The following PIK3CB variants were observed in gnomAD, a reference collection of about 807,000 sequenced individuals.
PIK3CB encodes the protein phosphatidylinositol-4,5-bisphosphate 3-kinase catalytic subunit beta.
PIK3CB carries 39 observed loss-of-function variants against 136.8 expected under a neutral mutation model. That is an observed-to-expected ratio of 0.29 (90% CI 0.22 to 0.37). The LOEUF (loss-of-function observed/expected upper bound fraction) is 0.37. Ranked by LOEUF, PIK3CB falls within the 10% of genes least tolerant of loss-of-function variation. The pLI, the probability that PIK3CB is intolerant of heterozygous loss-of-function variation, is 1.00. For missense variants in PIK3CB, 868 were observed against 1,275.4 expected (o/e 0.68, Z 4.87); for synonymous variants, 428 against 436.6 (o/e 0.98, Z 0.25).
At chr3:138,736,120 CAG>C (rs1344604056) in intron 6 of PIK3CB, among the ~76,000 whole-genome samples, 2 of 152,088 alleles carry the variant, frequency 1.3e-5, no homozygotes, top group Non-Finnish European at 2.9e-5. Context: ...ATTAAAGAAA[CAG>C]AAATCTACTT....
chr3:138,717,054 G>A (rs1384679147), intron 8 of PIK3CB, among the ~76,000 whole-genome samples: 1 of 151,522 alleles, frequency 6.6e-6, no homozygotes, highest in Non-Finnish European at 1.5e-5. Flanking sequence ...AAGAGATCAA[G>A]ACCATCCTGG....
intron 8 of PIK3CB, among the ~76,000 whole-genome samples, chr3:138,721,237 A>G: frequency 6.6e-6 from 1 of 151,954 alleles, no homozygotes. Flanking sequence ...ATCTCGGCTC[A>G]CTGCAACATC....
intron 15 of PIK3CB, among the ~76,000 whole-genome samples, chr3:138,689,952 T>C (rs982978346): frequency 6.6e-6 from 1 of 152,176 alleles, no homozygotes; most frequent in Non-Finnish European, 1.5e-5. Context: ...ATGCCCTGAT[T>C]AGCATCTATT....
chr3:138,700,750 T>C (rs184790080), intron 12 of PIK3CB, among the ~76,000 whole-genome samples: 1 of 150,094 alleles, frequency 6.7e-6, no homozygotes, highest in African/African-American at 2.5e-5. Context: ...TAGATAGAGA[T>C]AGAGTAGAAG....
chr3:138,674,446 T>C (rs2043603676), intron 19 of PIK3CB, among the ~76,000 whole-genome samples: 1 of 151,768 alleles, frequency 6.6e-6, no homozygotes, highest in African/African-American at 2.4e-5. Flanking sequence ...AGTAAAGACA[T>C]CAGTGACCAC....
chr3:138,757,625 A>G (rs1398411028), intron 3 of PIK3CB, among the ~76,000 whole-genome samples: 1 of 135,992 alleles, frequency 7.4e-6, no homozygotes, highest in East Asian at 2.4e-4. Flanking sequence ...GGAGGGAGGG[A>G]GAGAGGGGAG....
At chr3:138,730,207 C>G (rs1473873442) in intron 8 of PIK3CB, among the ~76,000 whole-genome samples, 2 of 152,176 alleles carry the variant, frequency 1.3e-5, no homozygotes, top group Non-Finnish European at 1.5e-5. Flanking sequence ...CATTAATCCT[C>G]TCCATGAACA....
intron 21 of PIK3CB, among the ~76,000 whole-genome samples, 192 bp from the exon 22 acceptor site, chr3:138,658,027 A>T (rs1035113546): frequency 6.6e-6 from 1 of 152,228 alleles, no homozygotes; most frequent in African/African-American, 2.4e-5. Flanking sequence ...TACAATCAAT[A>T]ATAAATAACC....
At chr3:138,790,756 G>A (rs897524885) in intron 2 of PIK3CB, among the ~76,000 whole-genome samples, 1 of 150,948 alleles carries the variant, frequency 6.6e-6, no homozygotes, top group Non-Finnish European at 1.5e-5. Flanking sequence ...AGAGCTTGCA[G>A]TGAGCCAAGA....
rs780487919 is a variant in PIK3CB, at chr3:138,684,661, G to A, written c.2279C>T (p.Ser760Leu). ...AYREALSDLQ[S>L]PLNPCVILSE... ...GAGGATAACACATGGGTTCAGGGGT[G>A]ACTGCAGGTCAGAGAGGGCTTCCCG... Residue 760 changes from serine (S) to leucine (L), a missense_variant, in exon 17 of 24, where the codon TCA (serine) becomes TTA (leucine). Around this residue, in one of 4 missense-constraint regions of PIK3CB, gnomAD observed 165 missense variants for 295.4 expected, o/e 0.56. Coordinates refer to ENST00000674063, the MANE Select transcript of PIK3CB (RefSeq NM_006219.3). 32 of 1,613,816 alleles carry A rather than the reference G, an allele frequency of 2.0e-5. No individual in the cohort carries two copies. Among genetic ancestry groups the A allele is most frequent in the African/African-American group, 4.0e-5 (3 of 74,902 alleles).
At chr3:138,760,937 G>A (rs897223748) in intron 2 of PIK3CB, among the ~76,000 whole-genome samples, 2 of 152,112 alleles carry the variant, frequency 1.3e-5, no homozygotes, top group Admixed American at 1.3e-4. Context: ...ACAATTTTTA[G>A]AACTTCTTTT....
chr3:138,719,168 T>C (rs1283613143), intron 8 of PIK3CB, among the ~76,000 whole-genome samples: 2 of 150,548 alleles, frequency 1.3e-5, no homozygotes, highest in Admixed American at 6.7e-5. Context: ...TTTTAGAAAA[T>C]CTTTATATCT....
intron 5 of PIK3CB, among the ~76,000 whole-genome samples, chr3:138,738,414 G>A (rs186899506): frequency 3.9e-4 from 60 of 152,072 alleles, no homozygotes; most frequent in African/African-American, 1.3e-3. Flanking sequence ...CTTGTGATCC[G>A]CCTGCCTCAG....
intron 1 of PIK3CB, among the ~76,000 whole-genome samples, chr3:138,812,064 C>T (rs1933089964): frequency 6.6e-6 from 1 of 151,964 alleles, no homozygotes; most frequent in Non-Finnish European, 1.5e-5. Flanking sequence ...ATGCTAAAGC[C>T]TGGGCAACAG....
At chr3:138,689,634 T>C (rs1459779307) in intron 15 of PIK3CB, among the ~76,000 whole-genome samples, 4 of 152,222 alleles carry the variant, frequency 2.6e-5, no homozygotes, top group Admixed American at 2.6e-4. Context: ...TTCCAATTTG[T>C]TAAACTTCAA....
chr3:138,781,761 A>T (rs1351910352), intron 2 of PIK3CB, among the ~76,000 whole-genome samples: 2 of 151,976 alleles, frequency 1.3e-5, no homozygotes, highest in East Asian at 1.9e-4. Flanking sequence ...GGCCCAAAAA[A>T]TTTTTTTAAT....
intron 2 of PIK3CB, among the ~76,000 whole-genome samples, chr3:138,779,621 G>A (rs2045901508): frequency 6.6e-6 from 1 of 150,646 alleles, no homozygotes; most frequent in Admixed American, 6.6e-5. Flanking sequence ...TCGAACTCCT[G>A]AACTCAAGTG....
At chr3:138,702,973 T>C (rs1453470830) in intron 12 of PIK3CB, among the ~76,000 whole-genome samples, 2 of 152,156 alleles carry the variant, frequency 1.3e-5, no homozygotes, top group African/African-American at 2.4e-5. Context: ...GCCATATATA[T>C]AATTTAAGCT....
chr3:138,827,796 G>A (rs2108923705), intron 1 of PIK3CB, among the ~76,000 whole-genome samples: 1 of 151,290 alleles, frequency 6.6e-6, no homozygotes, highest in South Asian at 2.1e-4. Flanking sequence ...TGGCTAACAC[G>A]GTGAAACCCT....
Sources: allele counts gnomAD v4.1 joint callset (sites outside exome capture counted in the v4.1 genomes callset), GRCh38; gene constraint gnomAD v4.1.1; regional missense constraint gnomAD v4.1.1; transcripts MANE v1.5; gene names NCBI Gene and HGNC (gene_info 2026-07-23, HGNC 2026-07-21).